Variants in CNTN5 observed in about 807,000 individuals in gnomAD.
CNTN5 encodes contactin 5.
Under a neutral mutation model 129.1 loss-of-function variants are expected in CNTN5, and 77 were observed. The observed-to-expected ratio is 0.60, with a 90% CI of 0.50 to 0.72. The LOEUF is 0.72. CNTN5 is among the 30% of genes least tolerant of loss of function. The pLI is 0.00. For synonymous variants in CNTN5, 509 were observed against 465.6 expected, an observed-to-expected ratio of 1.09 and a Z score of -1.20; for missense variants, 1,478 against 1,328.8, an observed-to-expected ratio of 1.11 and a Z score of -1.75.
At chr11:100,297,076 T>A (rs1406849531) in intron 18 of CNTN5, among the ~76,000 whole-genome samples, 1 of 151,590 alleles carries the variant, frequency 6.6e-6, no homozygotes, top group Non-Finnish European at 1.5e-5. Flanking sequence ...GCCTATAAAT[T>A]TTGCAGTTTG....
intron 18 of CNTN5, 150 bp downstream of exon 18, chr11:100,271,391 T>A (rs1017642408): frequency 1.2e-5 from 6 of 502,240 alleles, no homozygotes; most frequent in Middle Eastern, 4.8e-4. Flanking sequence ...TTCTTTAAAA[T>A]AATTATTTCA....
rs148648992 is a variant in CNTN5, at chr11:99,265,527, T to C, written c.-209-59819T>C. Among the ~76,000 whole-genome samples, 233 of 152,060 alleles carry C rather than the reference T, an allele frequency of 1.5e-3. 1 individual carries two copies. The highest frequency in any genetic ancestry group is 5.3e-3 in the African/African-American group (220 of 41,518). The stretch of plus-strand genomic sequence containing the variant: ...ATGATTGAAGCTCTAGGCAAAATGA[T>C]TAGAGGTGTTGTAGCTTGCATAACA... On this transcript the variant is annotated intron_variant, in intron 1 of 24. Coordinates refer to ENST00000524871, the MANE Select transcript of CNTN5 (RefSeq NM_014361.4).
intron 2 of CNTN5, among the ~76,000 whole-genome samples, chr11:99,515,951 A>AG (rs1565250323): frequency 9.9e-6 from 1 of 101,420 alleles, no homozygotes. Context: ...AATTTTATGA[A>AG]AAAAAAAAAA....
chr11:99,202,851 C>G (rs1443962490), intron 1 of CNTN5, among the ~76,000 whole-genome samples: 1 of 151,322 alleles, frequency 6.6e-6, no homozygotes, highest in East Asian at 1.9e-4. Flanking sequence ...AAATATTTGC[C>G]TTTTCTAACT....
chr11:99,891,406 G>A lies in CNTN5; in HGVS notation c.578-24648G>A, dbSNP rs141468162. ...GCAGATTTGTTACATAGGTATACAC[G>A]TGCCATGGTGGTTTGCTGCACCCAT... On this transcript the variant is annotated intron_variant, in intron 6 of 24. Coordinates refer to ENST00000524871, the MANE Select transcript of CNTN5 (RefSeq NM_014361.4). Among the ~76,000 whole-genome samples, 110 of 152,044 alleles carry A rather than the reference G, an allele frequency of 7.2e-4. No individual in the cohort carries two copies. The East Asian group carries it at 0.02, about 27-fold the overall frequency.
intron 13 of CNTN5, among the ~76,000 whole-genome samples, chr11:100,106,094 C>T (rs1054289469): frequency 1.3e-5 from 2 of 152,142 alleles, no homozygotes; most frequent in East Asian, 1.9e-4. Flanking sequence ...GATCAGAAGT[C>T]GGTTTTCCCA....
intron 3 of CNTN5, among the ~76,000 whole-genome samples, chr11:99,753,119 CTT>C (rs375324214): frequency 4.3e-5 from 4 of 93,076 alleles, no homozygotes; most frequent in Non-Finnish European, 7.9e-5. Context: ...GCCATATTTG[CTT>C]TTTTTTTTTT....
At chr11:99,162,996 A>T (rs1464819993) in intron 1 of CNTN5, among the ~76,000 whole-genome samples, 1 of 152,112 alleles carries the variant, frequency 6.6e-6, no homozygotes, top group Non-Finnish European at 1.5e-5. Context: ...GATATGCGAC[A>T]CTCTGCTTTT....
intron 15 of CNTN5, among the ~76,000 whole-genome samples, chr11:100,202,602 TG>T (rs1296037317): frequency 6.6e-6 from 1 of 151,574 alleles, no homozygotes; most frequent in Non-Finnish European, 1.5e-5. Flanking sequence ...AAACCTTAAT[TG>T]TTTGTTTTAT....
chr11:99,205,237 T>C (rs1031629211), intron 1 of CNTN5, among the ~76,000 whole-genome samples: 2 of 152,178 alleles, frequency 1.3e-5, no homozygotes, highest in African/African-American at 4.8e-5. Flanking sequence ...TGAATAGTAT[T>C]AAAATTCCCT....
chr11:99,839,112 T>G (rs1044812120), intron 4 of CNTN5, among the ~76,000 whole-genome samples: 3 of 151,668 alleles, frequency 2.0e-5, no homozygotes, highest in Non-Finnish European at 2.9e-5. Context: ...GAAATACAAT[T>G]AAAACAAACA....
intron 3 of CNTN5, among the ~76,000 whole-genome samples, chr11:99,692,868 T>G (rs562850773): frequency 6.6e-6 from 1 of 152,270 alleles, no homozygotes; most frequent in South Asian, 2.1e-4. Context: ...TTGATATCAT[T>G]AGAATAGTAC....
At chr11:99,585,629 A>G (rs774973115) in intron 3 of CNTN5, among the ~76,000 whole-genome samples, 53 of 152,156 alleles carry the variant, frequency 3.5e-4, no homozygotes, top group Non-Finnish European at 6.5e-4. Flanking sequence ...ACTCACCTAA[A>G]CAAAGTTCTT....
intron 6 of CNTN5, among the ~76,000 whole-genome samples, chr11:99,884,572 G>A (rs1160362977): frequency 6.6e-6 from 1 of 152,182 alleles, no homozygotes; most frequent in Non-Finnish European, 1.5e-5. Flanking sequence ...TAAGAATTAT[G>A]ATTCCACAGA....
At chr11:100,115,548 G>T (rs756907606) in intron 13 of CNTN5, among the ~76,000 whole-genome samples, 10 of 151,986 alleles carry the variant, frequency 6.6e-5, no homozygotes, top group Admixed American at 1.3e-4. Flanking sequence ...ACATGAACAC[G>T]CCAGCAGAAT....
At chr11:99,997,672 T>G (rs1028875639) in intron 8 of CNTN5, among the ~76,000 whole-genome samples, 1 of 152,100 alleles carries the variant, frequency 6.6e-6, no homozygotes, top group South Asian at 2.1e-4. Flanking sequence ...AGCATCATCC[T>G]GAGACCAAAG....
chr11:99,345,063 T>G (rs1245683247), intron 2 of CNTN5, among the ~76,000 whole-genome samples: 1 of 152,160 alleles, frequency 6.6e-6, no homozygotes, highest in Non-Finnish European at 1.5e-5. Flanking sequence ...CTCAGGCCAA[T>G]ATTTGAATTA....
chr11:100,256,576 T>C (rs1950074742), intron 17 of CNTN5, among the ~76,000 whole-genome samples: 1 of 152,048 alleles, frequency 6.6e-6, no homozygotes, highest in South Asian at 2.1e-4. Context: ...AGGTGGGTGA[T>C]TTCTGCATTT....
chr11:99,059,857 A>T (rs182518445), intron 1 of CNTN5, among the ~76,000 whole-genome samples: 1 of 152,178 alleles, frequency 6.6e-6, no homozygotes, highest in Non-Finnish European at 1.5e-5. Context: ...CAGTAATATT[A>T]TTGCTAGTTA....
Sources: allele counts gnomAD v4.1 joint callset (sites outside exome capture counted in the v4.1 genomes callset), GRCh38; gene constraint gnomAD v4.1.1; transcripts MANE v1.5; gene names NCBI Gene and HGNC (gene_info 2026-07-23, HGNC 2026-07-21).